CSMD1: variants seen among roughly 807,000 people sequenced by gnomAD.
CSMD1 encodes CUB and Sushi multiple domains 1.
CSMD1 carries 213 observed loss-of-function variants against 417.5 expected under a neutral mutation model. That is an observed-to-expected ratio of 0.51 (90% CI 0.46 to 0.57). The LOEUF is 0.57. CSMD1 is among the 20% of genes least tolerant of loss of function. The probability of loss-of-function intolerance (pLI) is 0.00; values close to 1 mark genes in which losing one functional copy is unlikely to be tolerated. For missense variants in CSMD1, 6,923 were observed against 4,529.7 expected (o/e 1.53, Z -15.17); for synonymous variants, 2,862 against 1,736.8 (o/e 1.65, Z -16.11).
chr8:4,721,635 G>A (rs1464712735), intron 1 of CSMD1, among the ~76,000 whole-genome samples: 2 of 152,130 alleles, frequency 1.3e-5, no homozygotes, highest in Non-Finnish European at 2.9e-5. Flanking sequence ...AGCCAATAAT[G>A]GAAGAGTATG....
chr8:3,300,396 T>TA, intron 25 of CSMD1, among the ~76,000 whole-genome samples: 1 of 152,036 alleles, frequency 6.6e-6, no homozygotes, highest in Non-Finnish European at 1.5e-5. Context: ...ATTTTAAAAT[T>TA]AAGAAAAATA....
chr8:4,833,382 C>G (rs115121946), intron 1 of CSMD1, among the ~76,000 whole-genome samples: 59 of 152,246 alleles, frequency 3.9e-4, no homozygotes, highest in African/African-American at 1.4e-3. Flanking sequence ...ACAACCAGCT[C>G]TCAAGAGAAC....
chr8:3,788,008 A>C (rs915287564), intron 5 of CSMD1, among the ~76,000 whole-genome samples: 30 of 152,302 alleles, frequency 2.0e-4, no homozygotes, highest in Admixed American at 1.9e-3. Flanking sequence ...ACCAAGAGTA[A>C]AAAAGAGGTG....
intron 1 of CSMD1, among the ~76,000 whole-genome samples, chr8:4,748,696 C>G (rs970726781): frequency 1.3e-5 from 2 of 152,060 alleles, no homozygotes; most frequent in East Asian, 3.9e-4. Context: ...GGTGAATAGC[C>G]CACACCTGAG....
At chr8:3,418,268 C>G (rs1585135352) in intron 12 of CSMD1, among the ~76,000 whole-genome samples, 1 of 152,080 alleles carries the variant, frequency 6.6e-6, no homozygotes, top group African/African-American at 2.4e-5. Flanking sequence ...CTATAAGTAA[C>G]CACAGAAATG....
chr8:3,568,471 T>C (rs1217455689), intron 10 of CSMD1, among the ~76,000 whole-genome samples: 2 of 152,132 alleles, frequency 1.3e-5, no homozygotes, highest in Non-Finnish European at 2.9e-5. Context: ...ACGTTTTGAG[T>C]TTTTTAAATC....
chr8:2,987,811 C>T (rs1432724214), intron 54 of CSMD1, among the ~76,000 whole-genome samples: 1 of 152,206 alleles, frequency 6.6e-6, no homozygotes, highest in East Asian at 1.9e-4. Flanking sequence ...GGGCTCACAC[C>T]AACCTCCTGC....
At chr8:4,045,209 A>G (rs61102968) in intron 3 of CSMD1, among the ~76,000 whole-genome samples, 3,121 of 152,242 alleles carry the variant, frequency 0.021, 85 homozygotes, top group East Asian at 0.091. Flanking sequence ...GGAACCCACA[A>G]TGTGGGCGAC....
At chr8:4,767,567 T>G (rs1015440401) in intron 1 of CSMD1, among the ~76,000 whole-genome samples, 2 of 152,124 alleles carry the variant, frequency 1.3e-5, no homozygotes, top group Non-Finnish European at 2.9e-5. Context: ...CTGGGGCCTC[T>G]CCTCCCTTTC....
intron 41 of CSMD1, chr8:3,127,532 T>C (rs1404847832): frequency 6.6e-6 from 1 of 152,192 alleles, no homozygotes; most frequent in Non-Finnish European, 1.5e-5. Context: ...AAAATTGGTA[T>C]AACAAACTAT....
chr8:3,040,143 T>C (rs1400112352), intron 50 of CSMD1, among the ~76,000 whole-genome samples: 1 of 152,130 alleles, frequency 6.6e-6, no homozygotes, highest in African/African-American at 2.4e-5. Flanking sequence ...GGCTCTAGAA[T>C]TTGGAGAAGA....
At chr8:4,211,028 T>A (rs1450784065) in intron 3 of CSMD1, among the ~76,000 whole-genome samples, 1 of 152,196 alleles carries the variant, frequency 6.6e-6, no homozygotes, top group Non-Finnish European at 1.5e-5. Context: ...GTTTCAAAAA[T>A]ATTTTAAAAT....
At chr8:3,710,609 C>G (rs933979298) in intron 6 of CSMD1, among the ~76,000 whole-genome samples, 2 of 152,118 alleles carry the variant, frequency 1.3e-5, no homozygotes, top group Non-Finnish European at 2.9e-5. Context: ...GTGCTTGGCC[C>G]CTGTGTATTC....
At chr8:4,344,483 CTCAA>C (rs1800667245) in intron 3 of CSMD1, among the ~76,000 whole-genome samples, 1 of 151,716 alleles carries the variant, frequency 6.6e-6, no homozygotes, top group Non-Finnish European at 1.5e-5. Flanking sequence ...ACCTCTATCT[CTCAA>C]TCTATTTTTT....
chr8:3,451,975 C>G (rs867624822), intron 12 of CSMD1, among the ~76,000 whole-genome samples: 13 of 149,918 alleles, frequency 8.7e-5, no homozygotes, highest in Non-Finnish European at 3.0e-5. Flanking sequence ...ATTTGTTTGT[C>G]TCCTCTTTTA....
At chr8:3,896,440 T>A (rs975337124) in intron 5 of CSMD1, among the ~76,000 whole-genome samples, 8 of 152,126 alleles carry the variant, frequency 5.3e-5, no homozygotes, top group Non-Finnish European at 1.2e-4. Flanking sequence ...CTCCAAAACG[T>A]TGAACACTTG....
At position 3,742,861 on chromosome 8, in the gene CSMD1, G is replaced by A. The variant is rs561107973; in HGVS notation, c.931+11069C>T. On this transcript the variant is annotated intron_variant, in intron 6 of 69. Coordinates refer to ENST00000635120, the MANE Select transcript of CSMD1 (RefSeq NM_033225.6). Reference sequence around the variant, plus strand: ...CTTCACTGTGAAGAGTTACTTCTGCGTTTCTAAATGTGTTATGACTGCAAT... The same window carrying A: ...CTTCACTGTGAAGAGTTACTTCTGCATTTCTAAATGTGTTATGACTGCAAT... Among the ~76,000 whole-genome samples the A allele has an allele frequency of 2.1e-4, 32 of 152,338 alleles. No individual in the cohort carries two copies. In the East Asian group the frequency reaches 3.9e-3, roughly 18 times the overall value.
chr8:4,975,961 T>C (rs2117404288), intron 1 of CSMD1, among the ~76,000 whole-genome samples: 2 of 152,322 alleles, frequency 1.3e-5, no homozygotes, highest in Admixed American at 1.3e-4. Flanking sequence ...TATGAGAAAA[T>C]CTGCTTGAAA....
At chr8:4,168,551 C>A (rs758604514) in intron 3 of CSMD1, among the ~76,000 whole-genome samples, 19 of 152,062 alleles carry the variant, frequency 1.2e-4, no homozygotes, top group Middle Eastern at 6.8e-3. Context: ...CAACAGTGAG[C>A]AGATGAGAAG....
Sources: gnomAD v4.1 joint callset for allele counts (sites outside exome capture counted in the v4.1 genomes callset) on GRCh38, gnomAD v4.1.1 for gene constraint, MANE v1.5 for transcripts, NCBI Gene and HGNC (gene_info 2026-07-23, HGNC 2026-07-21) for gene names.